LARS2: variants seen among roughly 807,000 people sequenced by gnomAD.
The protein encoded by LARS2 is leucine--tRNA ligase, mitochondrial.
A neutral mutation model predicts 116.6 loss-of-function variants in LARS2; 81 were observed. The observed-to-expected ratio is 0.69, with a 90% CI of 0.58 to 0.84. LARS2 has a LOEUF of 0.84. Ranked by LOEUF, LARS2 falls within the 40% of genes least tolerant of loss-of-function variation. LARS2 has a pLI of 0.00. For missense variants in LARS2, 968 were observed against 1,114.5 expected, an observed-to-expected ratio of 0.87 and a Z score of 1.87; for synonymous variants, 396 against 407.2, an observed-to-expected ratio of 0.97 and a Z score of 0.33.
chr3:45,547,689 G>C lies in LARS2; in HGVS notation c.*159G>C, dbSNP rs1242866712. ...AGACTGCAGTCAACAGTGTGCCTCT[G>C]TAGTGTGGCCTGGTGCTGGGGTGAA... On this transcript the variant is annotated 3_prime_UTR_variant, in exon 22 of 22. Coordinates refer to ENST00000645846, the MANE Select transcript of LARS2 (RefSeq NM_015340.4). The C allele has an allele frequency of 1.1e-5, 7 of 646,264 alleles. No individual in the cohort carries two copies. Among genetic ancestry groups the C allele is most frequent in the Non-Finnish European group, 1.6e-5 (6 of 384,956 alleles). 40.0% of individuals were successfully genotyped at this position (646,264 alleles called of 1,614,324 possible). A position where few individuals can be genotyped will look rare whatever the true frequency, so the allele number is the denominator to read the frequency against.
chr3:45,534,768 T>C (rs1191571988), intron 20 of LARS2, among the ~76,000 whole-genome samples: 1 of 152,208 alleles, frequency 6.6e-6, no homozygotes, highest in African/African-American at 2.4e-5. Context: ...CTAACAGTCC[T>C]CTATCAATTG....
In LARS2 at chr3:45,394,607, A is replaced by G; in HGVS notation, c.154A>G (p.Thr52Ala). Reference protein sequence around the residue: ...SATGKWTKEYTLQTRKDVEKW... With the variant: ...SATGKWTKEYALQTRKDVEKW... ...CACGGGAAAGTGGACAAAAGAGTATACATTGCAGACAAGAAAGGATGTTGA... is the reference window on the plus strand; with the variant it reads ...CACGGGAAAGTGGACAAAAGAGTATGCATTGCAGACAAGAAAGGATGTTGA... Residue 52 changes from threonine (T) to alanine (A), a missense_variant, in exon 3 of 22, where the codon ACA becomes GCA. By Grantham distance (58) the Thr-to-Ala change is moderately conservative. Coordinates refer to ENST00000645846, the MANE Select transcript of LARS2 (RefSeq NM_015340.4). The G allele has an allele frequency of 6.2e-7, 1 of 1,614,216 alleles. No individual in the cohort carries two copies.
In LARS2 at chr3:45,548,230, TG is replaced by T. The variant is rs1334812732; in HGVS notation, c.*702del. The stretch of plus-strand genomic sequence containing the variant: ...CTGGATGTGCCTCCCAGGCCTGCTG[TG>T]GTTCTGACACACAGGATCCCAGGCA... On this transcript the variant is annotated 3_prime_UTR_variant, in exon 22 of 22. Coordinates refer to ENST00000645846, the MANE Select transcript of LARS2 (RefSeq NM_015340.4). 7 of 152,306 alleles carry T rather than the reference TG, an allele frequency of 4.6e-5. No individual in the cohort carries two copies. Among genetic ancestry groups the T allele is most frequent in the Non-Finnish European group, 7.3e-5 (5 of 68,110 alleles). The allele number at this position is 152,306 out of a possible 1,614,324, so 9.4% of individuals were successfully genotyped here. A position where few individuals can be genotyped will look rare whatever the true frequency, so the allele number is the denominator to read the frequency against.
intron 7 of LARS2, among the ~76,000 whole-genome samples, chr3:45,457,257 G>A (rs773785642): frequency 1.1e-4 from 16 of 152,212 alleles, no homozygotes; most frequent in Non-Finnish European, 1.9e-4. Context: ...GAACCCAACC[G>A]GAAGATAAGG....
chr3:45,491,943 T>C (rs898777161), intron 13 of LARS2, 143 bp downstream of exon 13: 2 of 772,390 alleles, frequency 2.6e-6, no homozygotes, highest in Admixed American at 2.9e-5. Context: ...CTGTGGGTCT[T>C]TGGGGCCCTT....
intron 15 of LARS2, among the ~76,000 whole-genome samples, chr3:45,502,019 A>G (rs1700130608): frequency 6.6e-6 from 1 of 152,090 alleles, no homozygotes; most frequent in Admixed American, 6.6e-5. Context: ...CATGCAATGC[A>G]TAGTAATCAC....
intron 20 of LARS2, among the ~76,000 whole-genome samples, chr3:45,533,865 G>A (rs900776307): frequency 1.3e-5 from 2 of 152,156 alleles, no homozygotes; most frequent in African/African-American, 4.8e-5. Flanking sequence ...ACTTTGCACC[G>A]TGATTTTTCT....
intron 10 of LARS2, among the ~76,000 whole-genome samples, chr3:45,478,009 C>A (rs1197012494): frequency 6.6e-6 from 1 of 152,092 alleles, no homozygotes; most frequent in Admixed American, 6.5e-5. Context: ...ACTGGATGCC[C>A]CAGAGAGGCA....
In LARS2 at chr3:45,414,376, TTTC is replaced by T. The variant is rs1457548344; in HGVS notation, c.364-3101_364-3099del. On this transcript the variant is annotated intron_variant, in intron 4 of 21. Transcript: ENST00000645846. ...TGGTAGAATAACAGGTGAGTCTTAT[TTTC>T]TTCTATTTTTCTCTACTTACCAAAT... 2.0e-5 allele frequency among the ~76,000 whole-genome samples: 3 copies of T among 152,368 alleles called. No individual in the cohort carries two copies. In the East Asian group the frequency reaches 5.8e-4, roughly 29 times the overall value.
At chr3:45,411,098 G>C (rs1168759539) in intron 4 of LARS2, among the ~76,000 whole-genome samples, 3 of 152,208 alleles carry the variant, frequency 2.0e-5, no homozygotes, top group Non-Finnish European at 4.4e-5. Flanking sequence ...CTAACTCACA[G>C]ACCCTGACCC....
At chr3:45,453,798 A>G (rs1223289093) in intron 7 of LARS2, among the ~76,000 whole-genome samples, 5 of 152,128 alleles carry the variant, frequency 3.3e-5, no homozygotes, top group African/African-American at 4.8e-5. Flanking sequence ...TAAAATATAT[A>G]TTTTACTAGC....
Position 45,516,206 on chromosome 3 carries a change from G to A in LARS2, c.1974G>A (p.Gly658=), listed in dbSNP as rs189078355. The change falls in exon 17 of 22, where the codon GGG becomes GGA. Residue 658 remains glycine (G), a synonymous_variant. Transcript: ENST00000645846. ...VDPEEVVEQY[G]IDTIRLYILF... ...CAGAGGAAGTTGTGGAGCAGTATGG[G>A]ATCGACACGATTCGGCTCTACATCC... The A allele has an allele frequency of 1.3e-5, 21 of 1,614,096 alleles. No homozygotes were observed. The highest frequency in any genetic ancestry group is 1.6e-4 in the Middle Eastern group (1 of 6,084).
intron 8 of LARS2, among the ~76,000 whole-genome samples, chr3:45,459,983 A>G (rs1237789024): frequency 6.6e-6 from 1 of 152,208 alleles, no homozygotes; most frequent in Non-Finnish European, 1.5e-5. Context: ...GTTAGATCCA[A>G]TACTGTTGTT....
intron 6 of LARS2, among the ~76,000 whole-genome samples, chr3:45,432,260 ATAAG>A (rs1346769575): frequency 6.6e-6 from 1 of 152,144 alleles, no homozygotes; most frequent in Non-Finnish European, 1.5e-5. Flanking sequence ...CAGACAGAAA[ATAAG>A]TAAGGAAATA....
At chr3:45,394,121 A>C (rs1698004345) in intron 2 of LARS2, among the ~76,000 whole-genome samples, 1 of 151,312 alleles carries the variant, frequency 6.6e-6, no homozygotes, top group African/African-American at 2.4e-5. Flanking sequence ...GCCCATGGGG[A>C]GGGGAGGGAG....
chr3:45,541,855 T>C lies in LARS2; in HGVS notation c.2431T>C (p.Cys811Arg), dbSNP rs766044153. ...AGLALVPRKL[C>R]AHYTWDASVL... ...CCTGGCGCTGGTGCCGAGGAAGCTC[T>C]GTGCCCACTACACTTGGGATGCCAG... Residue 811 changes from cysteine to arginine, a missense_variant, in exon 21 of 22, where the codon TGT becomes CGT. Cys to Arg is a radical substitution (Grantham distance 180, BLOSUM62 -3). Coordinates refer to ENST00000645846, the MANE Select transcript of LARS2 (RefSeq NM_015340.4). The C allele has an allele frequency of 1.9e-6, 3 of 1,614,232 alleles. No individual in the cohort carries two copies. The South Asian group carries it at 3.3e-5, about 18-fold the overall frequency.
At chr3:45,405,114 T>G (rs1403328705) in intron 4 of LARS2, among the ~76,000 whole-genome samples, 1 of 147,524 alleles carries the variant, frequency 6.8e-6, no homozygotes, top group Non-Finnish European at 1.5e-5. Context: ...ATGTCAAGTT[T>G]TTTTTTTTTC....
At chr3:45,459,231 G>A (rs1012709895) in intron 8 of LARS2, among the ~76,000 whole-genome samples, 1 of 152,174 alleles carries the variant, frequency 6.6e-6, no homozygotes, top group South Asian at 2.1e-4. Context: ...AGAGAAAAGT[G>A]TCTTCAACTG....
chr3:45,540,333 T>C (rs957315895), intron 20 of LARS2, among the ~76,000 whole-genome samples: 14 of 152,238 alleles, frequency 9.2e-5, no homozygotes, highest in South Asian at 4.1e-4. Flanking sequence ...CCAAATTTTC[T>C]GCAAGGAGTG....
Sources: allele counts gnomAD v4.1 joint callset (sites outside exome capture counted in the v4.1 genomes callset), GRCh38; gene constraint gnomAD v4.1.1; transcripts MANE v1.5; gene names NCBI Gene and HGNC (gene_info 2026-07-23, HGNC 2026-07-21).